The following MEIS3 variants were observed in gnomAD, a reference collection of about 807,000 sequenced individuals.
The protein encoded by MEIS3 is Meis homeobox 3.
In MEIS3, 38 loss-of-function variants were observed where a neutral mutation model predicts 51.4. The ratio of observed to expected loss-of-function variants is 0.74; its 90% CI spans 0.57 to 0.97. The LOEUF (loss-of-function observed/expected upper bound fraction) is 0.97, where lower values mean the gene tolerates loss of function less well. Ranked by LOEUF, MEIS3 falls within the 50% of genes least tolerant of loss-of-function variation. The pLI, the probability that MEIS3 is intolerant of heterozygous loss-of-function variation, is 0.00. For synonymous variants in MEIS3, 198 were observed against 201.8 expected, an observed-to-expected ratio of 0.98 and a Z score of 0.16; for missense variants, 456 against 502.6, an observed-to-expected ratio of 0.91 and a Z score of 0.89.
intron 6 of MEIS3, among the ~76,000 whole-genome samples, chr19:47,411,843 TC>T (rs1253265736): frequency 6.6e-6 from 1 of 151,226 alleles, no homozygotes; most frequent in East Asian, 1.9e-4. Flanking sequence ...CCCGGCCTTA[TC>T]TTTTTTTTTT....
intron 4 of MEIS3, 23 bp downstream of exon 4, chr19:47,416,629 G>A: frequency 6.6e-7 from 1 of 1,506,390 alleles, no homozygotes; most frequent in Non-Finnish European, 8.9e-7. Context: ...AGGAGGGGGT[G>A]TGGGGGAGGG....
chr19:47,420,904 T>TCACACACACACACA (rs1416883609), upstream of MEIS3, among the ~76,000 whole-genome samples: 6 of 92,776 alleles, frequency 6.5e-5, no homozygotes, highest in Admixed American at 2.5e-4. Context: ...TCTCTCTCTC[T>TCACACACACACACA]CTCTCTCACA....
At chr19:47,405,906 G>A (rs1356098170) in intron 12 of MEIS3, 2 of 152,800 alleles carry the variant, frequency 1.3e-5, no homozygotes, top group Non-Finnish European at 2.9e-5. Context: ...ATGTAGGTAT[G>A]GATGGATGGA....
upstream of MEIS3, among the ~76,000 whole-genome samples, chr19:47,420,851 CTCTG>C (rs1331375330): frequency 1.3e-5 from 2 of 151,480 alleles, no homozygotes; most frequent in African/African-American, 4.9e-5. Flanking sequence ...CAGTCTTTCC[CTCTG>C]TCTGTCCATC....
chr19:47,419,094 G>T lies in MEIS3; in HGVS notation c.-13C>A. Reference sequence around the variant, plus strand: ...CCCTCCGGGCCATGGGCTGAGGCCGGCGGCAGCTCCTGGGTCCCTCCAGAG... The same window carrying T: ...CCCTCCGGGCCATGGGCTGAGGCCGTCGGCAGCTCCTGGGTCCCTCCAGAG... On this transcript the variant is annotated 5_prime_UTR_variant, in exon 1 of 13. Coordinates refer to ENST00000558555, the MANE Select transcript of MEIS3 (RefSeq NM_001301059.2). The T allele has an allele frequency of 8.0e-7, 1 of 1,243,662 alleles. No homozygotes were observed. Among genetic ancestry groups the T allele is most frequent in the East Asian group, 3.1e-5 (1 of 31,850 alleles). The allele number at this position is 1,243,662 out of a possible 1,614,324, so 77.0% of individuals were successfully genotyped here.
chr19:47,413,286 G>A lies in MEIS3; in HGVS notation c.597+1431C>T, dbSNP rs142661478. ...TGGGCACCTGTAGTCCCAGCTACCCGGGAGGCTGAGGCAGGGGAATAGCTT... is the reference window on the plus strand; with the variant it reads ...TGGGCACCTGTAGTCCCAGCTACCCAGGAGGCTGAGGCAGGGGAATAGCTT... On this transcript the variant is annotated intron_variant, in intron 6 of 12. Coordinates refer to ENST00000558555, the MANE Select transcript of MEIS3 (RefSeq NM_001301059.2). 1.2e-3 allele frequency among the ~76,000 whole-genome samples: 184 copies of A among 151,952 alleles called. 5 individuals carry two copies. In the East Asian group the frequency reaches 0.03, roughly 25 times the overall value.
chr19:47,420,894 T>G (rs1490921460), upstream of MEIS3, among the ~76,000 whole-genome samples: 1 of 66,294 alleles, frequency 1.5e-5, no homozygotes, highest in South Asian at 5.6e-4. Context: ...TGTCTCTCGC[T>G]CTCTCTCTCT....
intron 6 of MEIS3, among the ~76,000 whole-genome samples, chr19:47,410,348 T>G (rs1971067655): frequency 6.7e-6 from 1 of 149,640 alleles, no homozygotes; most frequent in South Asian, 2.1e-4. Context: ...CTCGGGAGGC[T>G]GAGGCGGGAG....
At chr19:47,420,940 A>ACACACACACACACACTCTCTCT (rs1187725467), upstream of MEIS3, among the ~76,000 whole-genome samples, 4 of 91,002 alleles carry the variant, frequency 4.4e-5, no homozygotes, top group South Asian at 7.6e-4. Context: ...ACACACACAC[A>ACACACACACACACACTCTCTCT]CTCTCTCTCT....
chr19:47,407,680 G>C lies in MEIS3; in HGVS notation c.859-252C>G, dbSNP rs180734616. ...TTAACTGGCCAGCTCTGATTAGAGA[G>C]ACTGTGTTGGGGGAGGGGGCTCCTG... On this transcript the variant is annotated intron_variant, in intron 8 of 12. Transcript: ENST00000558555. 205 of 871,578 alleles carry C rather than the reference G, an allele frequency of 2.4e-4. No individual in the cohort carries two copies. The African/African-American group carries it at 3.0e-3, about 13-fold the overall frequency. 54.0% of individuals were successfully genotyped at this position (871,578 alleles called of 1,614,324 possible).
At chr19:47,413,260 G>A (rs1361375648) in intron 6 of MEIS3, among the ~76,000 whole-genome samples, 5 of 152,052 alleles carry the variant, frequency 3.3e-5, no homozygotes, top group South Asian at 4.2e-4. Flanking sequence ...CGGTGTGGTC[G>A]TGGGCACCTG....
chr19:47,420,910 TCACACACACA>T (rs796578167), upstream of MEIS3, among the ~76,000 whole-genome samples: 1 of 70,708 alleles, frequency 1.4e-5, no homozygotes, highest in African/African-American at 4.7e-5. Context: ...TCTCTCTCTC[TCACACACACA>T]CACACACACA....
chr19:47,411,974 GC>G (rs1420570113), intron 6 of MEIS3, among the ~76,000 whole-genome samples: 1 of 151,988 alleles, frequency 6.6e-6, no homozygotes, highest in Non-Finnish European at 1.5e-5. Context: ...CTCCCAAGTA[GC>G]TGGAACTACA....
At chr19:47,407,749 A>C (rs1970921166) in intron 8 of MEIS3, 1 of 491,122 alleles carries the variant, frequency 2.0e-6, no homozygotes, top group Non-Finnish European at 3.6e-6. Flanking sequence ...AGGGAAGCAA[A>C]GCCCAGGCCC....
chr19:47,407,072 C>G lies in MEIS3; in HGVS notation c.994+7G>C, dbSNP rs372906593. The G allele has an allele frequency of 2.5e-6, 4 of 1,609,686 alleles. No homozygotes were observed. In the African/African-American group the frequency reaches 5.3e-5, roughly 21 times the overall value. ...CCAGGCTCTCCGTCCCCGCCTTCCC[C>G]CTGTACCTGTGCGGTTGGATTGATC... On this transcript the variant is annotated splice_region_variant and intron_variant, in intron 10 of 12. Transcript: ENST00000558555.
intron 9 of MEIS3, 86 bp from the exon 10 acceptor site, chr19:47,407,223 G>A: frequency 2.0e-6 from 3 of 1,504,504 alleles, no homozygotes; most frequent in Non-Finnish European, 2.7e-6. Context: ...CCGGAGGACA[G>A]CGGCGGGGGA....
intron 9 of MEIS3, 81 bp downstream of exon 9, chr19:47,407,271 G>T (rs1422448517): frequency 6.5e-7 from 1 of 1,526,762 alleles, no homozygotes; most frequent in African/African-American, 1.4e-5. Flanking sequence ...GCTCTGCGGG[G>T]CTCGGGGCCT....
rs963790818 is a variant in MEIS3 at position 47,403,391 on chromosome 19, C to T, written c.*180G>A. On this transcript the variant is annotated 3_prime_UTR_variant, in exon 13 of 13. Transcript: ENST00000558555. ...AGGGCCTGGAGGCCTTGCCGGTGTCCTTGAGAGCCCTTGGATGGGCACTCA... is the reference window on the plus strand; with the variant it reads ...AGGGCCTGGAGGCCTTGCCGGTGTCTTTGAGAGCCCTTGGATGGGCACTCA... The T allele has an allele frequency of 2.2e-6, 1 of 454,532 alleles. No individual in the cohort carries two copies. The highest frequency in any genetic ancestry group is 2.4e-5 in the Admixed American group (1 of 42,550). The allele number at this position is 454,532 out of a possible 1,614,324, so 28.2% of individuals were successfully genotyped here.
Position 47,409,171 on chromosome 19 carries a change from T to G in MEIS3, c.786A>C (p.Arg262=), listed in dbSNP as rs140684622. Residue 262 remains arginine, a synonymous_variant, in exon 8 of 13, where the codon CGA becomes CGC. Coordinates refer to ENST00000558555, the MANE Select transcript of MEIS3 (RefSeq NM_001301059.2). ...EDEDLDQERR[R]NKKRGIFPKV... is the part of the protein sequence containing the mutation. ...TGGGGAAGATCCCCCTCTTCTTGTT[T>G]CGCCGTCGCTCCTGGTCCAAGTCCT... 23 of 1,612,476 alleles carry G rather than the reference T, an allele frequency of 1.4e-5. No homozygotes were observed. The highest frequency in any genetic ancestry group is 1.9e-5 in the Non-Finnish European group (22 of 1,180,010).
Sources: gnomAD v4.1 joint callset for allele counts (sites outside exome capture counted in the v4.1 genomes callset) on GRCh38, gnomAD v4.1.1 for gene constraint, MANE v1.5 for transcripts, NCBI Gene and HGNC (gene_info 2026-07-23, HGNC 2026-07-21) for gene names.